ZNF385D: variants seen among roughly 807,000 people sequenced by gnomAD.
ZNF385D encodes the protein zinc finger protein 385D.
Under a neutral mutation model 35.8 loss-of-function variants are expected in ZNF385D, and 15 were observed. The observed-to-expected ratio is 0.42, with a 90% CI of 0.28 to 0.64. ZNF385D has a LOEUF of 0.64. Ranked by LOEUF, ZNF385D falls within the 30% of genes least tolerant of loss-of-function variation. ZNF385D has a pLI of 0.23. For synonymous variants in ZNF385D, 212 were observed against 186.8 expected (o/e 1.13, Z -1.10); for missense variants, 474 against 494.6 (o/e 0.96, Z 0.39).
rs114410817 is a variant in ZNF385D, at chr3:21,664,043, G to C, written c.165+843C>G. ...TGCTTTGGTTGCATTGACATGTCCT[G>C]TCATTGACAAGCTCAGACTTGCCTT... On this transcript the variant is annotated intron_variant, in intron 2 of 7. Transcript: ENST00000281523. Among the ~76,000 whole-genome samples, 1,225 of 149,336 alleles carry C rather than the reference G, an allele frequency of 8.2e-3. 19 individuals carry two copies. Among genetic ancestry groups the C allele is most frequent in the African/African-American group, 0.029 (1,191 of 40,638 alleles).
At chr3:22,129,612 C>T (rs1402322336) in intron 3 of ZNF385D, among the ~76,000 whole-genome samples, 1 of 152,102 alleles carries the variant, frequency 6.6e-6, no homozygotes, top group African/African-American at 2.4e-5. Flanking sequence ...ATAACTGACC[C>T]AGATTTGTGG....
intron 3 of ZNF385D, among the ~76,000 whole-genome samples, chr3:21,785,447 A>G (rs1212361083): frequency 6.6e-6 from 1 of 152,110 alleles, no homozygotes; most frequent in Non-Finnish European, 1.5e-5. Context: ...CCTCTTAGCA[A>G]ATTTTCAGTA....
rs75030218 is a variant in ZNF385D, at chr3:22,216,944, G to C, written c.107-47909C>G. Among the ~76,000 whole-genome samples, 37 of 152,242 alleles carry C rather than the reference G, an allele frequency of 2.4e-4. No individual in the cohort carries two copies. In the East Asian group the frequency reaches 5.8e-3, roughly 24 times the overall value. Reference sequence around the variant, plus strand: ...GAGTGAGCCACAAATCAACACTGGAGAGAGAAGTGCCTGCCAAGTAGAAGC... The same window carrying C: ...GAGTGAGCCACAAATCAACACTGGACAGAGAAGTGCCTGCCAAGTAGAAGC... On this transcript the variant is annotated intron_variant, in intron 2 of 5. Transcript: ENST00000494108.
intron 3 of ZNF385D, among the ~76,000 whole-genome samples, chr3:21,854,978 A>G (rs2125818091): frequency 6.6e-6 from 1 of 152,078 alleles, no homozygotes; most frequent in South Asian, 2.1e-4. Context: ...ACTTTGTACC[A>G]GAAAGATGTG....
intron 3 of ZNF385D, among the ~76,000 whole-genome samples, chr3:21,969,305 G>C (rs944645559): frequency 6.6e-6 from 1 of 152,078 alleles, no homozygotes; most frequent in Admixed American, 6.5e-5. Flanking sequence ...ACCAGGTGGA[G>C]GTAATTGAGT....
At chr3:21,777,616 T>TC (rs1250152245) in intron 3 of ZNF385D, 1 of 151,936 alleles carries the variant, frequency 6.6e-6, no homozygotes, top group Admixed American at 6.6e-5. Flanking sequence ...ACATAGATCT[T>TC]CCCATTGGAG....
chr3:22,033,646 G>C (rs1050407409), intron 3 of ZNF385D, among the ~76,000 whole-genome samples: 3 of 151,946 alleles, frequency 2.0e-5, no homozygotes, highest in Non-Finnish European at 2.9e-5. Flanking sequence ...ATCACTCGAT[G>C]AACTATCACC....
intron 2 of ZNF385D, among the ~76,000 whole-genome samples, chr3:22,248,331 C>G (rs891174404): frequency 1.4e-4 from 22 of 152,278 alleles, no homozygotes; most frequent in African/African-American, 5.3e-4. Flanking sequence ...ATTGAACTTT[C>G]CTTCCTTTAT....
intron 3 of ZNF385D, among the ~76,000 whole-genome samples, chr3:21,831,910 T>C (rs760472967): frequency 8.5e-5 from 13 of 152,188 alleles, no homozygotes; most frequent in Non-Finnish European, 1.9e-4. Context: ...CTTAGAGACA[T>C]ATTTATACTT....
chr3:22,159,702 C>T (rs76505627), intron 3 of ZNF385D, among the ~76,000 whole-genome samples: 2,717 of 152,170 alleles, frequency 0.018, 71 homozygotes, highest in African/African-American at 0.061. Flanking sequence ...GTGAAATTAG[C>T]ATTTTTCACT....
At chr3:21,916,217 G>C (rs539041950) in intron 3 of ZNF385D, among the ~76,000 whole-genome samples, 7 of 152,204 alleles carry the variant, frequency 4.6e-5, no homozygotes, top group African/African-American at 1.4e-4. Context: ...TTAAAATAAA[G>C]AGAAAATTGG....
chr3:22,243,044 C>A (rs539676381), intron 2 of ZNF385D, among the ~76,000 whole-genome samples: 1 of 151,008 alleles, frequency 6.6e-6, no homozygotes, highest in Admixed American at 6.6e-5. Flanking sequence ...AATTGGACTA[C>A]ATAAAAATTA....
rs961144119 is a variant in ZNF385D, at chr3:21,465,538, G to A, written c.440-28335C>T. On this transcript the variant is annotated intron_variant, in intron 4 of 7. Transcript: ENST00000281523. This position sits in a 1 kb window ranked among gnomAD's most constrained non-coding sequence, Gnocchi z 4.2. ...CTAAAAGAATGAATCAGTCAGGAGC[G>A]ATACATGTTGATTATCACAGGGCAT... 3.3e-5 allele frequency among the ~76,000 whole-genome samples: 5 copies of A among 152,112 alleles called. No homozygotes were observed. Among genetic ancestry groups the A allele is most frequent in the East Asian group, 3.9e-4 (2 of 5,174 alleles).
chr3:21,915,442 T>C (rs1700148720), intron 3 of ZNF385D, among the ~76,000 whole-genome samples: 1 of 152,188 alleles, frequency 6.6e-6, no homozygotes, highest in South Asian at 2.1e-4. Flanking sequence ...ATGCCTCTTT[T>C]TAATGTAGAT....
chr3:22,242,872 GA>G (rs146429664), intron 2 of ZNF385D, among the ~76,000 whole-genome samples: 14,400 of 150,974 alleles, frequency 0.095, 1,182 homozygotes, highest in East Asian at 0.15. Flanking sequence ...ATTTATAGAA[GA>G]GGGGTATACA....
chr3:22,306,033 A>G (rs916048271), intron 2 of ZNF385D, among the ~76,000 whole-genome samples: 1 of 152,162 alleles, frequency 6.6e-6, no homozygotes, highest in African/African-American at 2.4e-5. Context: ...AATGCTGCCT[A>G]CCAAAATTTG....
intron 3 of ZNF385D, among the ~76,000 whole-genome samples, chr3:21,892,565 G>C (rs1296556026): frequency 1.3e-5 from 2 of 152,088 alleles, no homozygotes; most frequent in African/African-American, 2.4e-5. Flanking sequence ...AAATACACTT[G>C]AAGAAATATC....
intron 2 of ZNF385D, among the ~76,000 whole-genome samples, chr3:22,205,596 G>A (rs1248319775): frequency 2.0e-5 from 3 of 151,916 alleles, no homozygotes; most frequent in Non-Finnish European, 2.9e-5. Flanking sequence ...AAGTTAAAAA[G>A]CAGGGGAATG....
At chr3:21,523,036 G>T (rs1708015262) in intron 3 of ZNF385D, among the ~76,000 whole-genome samples, 1 of 152,176 alleles carries the variant, frequency 6.6e-6, no homozygotes, top group African/African-American at 2.4e-5. Context: ...TTAAGGAGAT[G>T]CTGCTATTCT....
Sources: allele counts gnomAD v4.1 joint callset (sites outside exome capture counted in the v4.1 genomes callset), GRCh38; gene constraint gnomAD v4.1.1; non-coding constraint Gnocchi (gnomAD v3.1); transcripts MANE v1.5; gene names NCBI Gene and HGNC (gene_info 2026-07-23, HGNC 2026-07-21).